Variants in ADGRB3 observed in about 807,000 individuals in gnomAD.
ADGRB3 encodes the protein brain-specific angiogenesis inhibitor 3.
ADGRB3 carries 37 observed loss-of-function variants against 193.4 expected under a neutral mutation model. That is an observed-to-expected ratio of 0.19 (90% CI 0.15 to 0.25). The LOEUF (loss-of-function observed/expected upper bound fraction) is 0.25, where lower values mean the gene tolerates loss of function less well. Among genes scored for constraint, ADGRB3 ranks in the 10% least tolerant of loss-of-function variants. The pLI is 1.00. For missense variants in ADGRB3, 1,637 were observed against 1,852.9 expected, an observed-to-expected ratio of 0.88 and a Z score of 2.14; for synonymous variants, 690 against 644.2, an observed-to-expected ratio of 1.07 and a Z score of -1.08.
rs117013238 is a variant in ADGRB3, at chr6:69,388,654, T to C, written c.4381-49T>C. On this transcript the variant is annotated intron_variant, in intron 31 of 31. Transcript: ENST00000370598. ...TCTTCCTGGAAACTTCAACTAGCGGTGATCCTGGTCATCACATAAATGACT... is the reference window on the plus strand; with the variant it reads ...TCTTCCTGGAAACTTCAACTAGCGGCGATCCTGGTCATCACATAAATGACT... The C allele has an allele frequency of 3.6e-5, 56 of 1,541,294 alleles. No individual in the cohort carries two copies. In the East Asian group the frequency reaches 1.2e-3, roughly 34 times the overall value.
chr6:68,802,593 G>C (rs1360371272), intron 3 of ADGRB3, among the ~76,000 whole-genome samples: 1 of 152,088 alleles, frequency 6.6e-6, no homozygotes, highest in Non-Finnish European at 1.5e-5. Flanking sequence ...AAGTGTATGT[G>C]TTTACTGAAA....
At chr6:68,915,368 A>G (rs1766849273) in intron 3 of ADGRB3, among the ~76,000 whole-genome samples, 1 of 152,224 alleles carries the variant, frequency 6.6e-6, no homozygotes, top group Non-Finnish European at 1.5e-5. Context: ...GGCTGATATT[A>G]ATAGACCCAG....
At position 69,180,889 on chromosome 6, in the gene ADGRB3, A is replaced by G. The variant is rs533623694; in HGVS notation, c.2481-52401A>G. Among the ~76,000 whole-genome samples the G allele has an allele frequency of 1.4e-4, 22 of 152,290 alleles. No individual in the cohort carries two copies. In the South Asian group the frequency reaches 4.6e-3, roughly 32 times the overall value. On this transcript the variant is annotated intron_variant, in intron 17 of 31. Transcript: ENST00000370598. ...TGATTTTGTATGCCCCGGGATTAAA[A>G]ATGGCGTCCTGCTCTTGCTCCTGGT...
chr6:68,986,536 C>T (rs925373910), intron 10 of ADGRB3, among the ~76,000 whole-genome samples: 3 of 152,090 alleles, frequency 2.0e-5, no homozygotes, highest in Non-Finnish European at 2.9e-5. Flanking sequence ...AAGGGTATAC[C>T]TTCTTTTTCA....
At chr6:68,727,405 G>A (rs1029667613) in intron 3 of ADGRB3, among the ~76,000 whole-genome samples, 3 of 151,478 alleles carry the variant, frequency 2.0e-5, no homozygotes, top group Admixed American at 6.6e-5. Flanking sequence ...TGTAATTAAG[G>A]TTATATGAAG....
In ADGRB3 at chr6:69,354,243, C is replaced by T; in HGVS notation, c.3470C>T (p.Ala1157Val). ...TCCCCCTCCCCACAGGTTCAGGATG[C>T]ATTTAGATGCCGATTGAGAAACTGT... The part of the protein sequence containing the change: ...HCILRREVQD[A>V]FRCRLRNCQD... Residue 1157 changes from alanine (A) to valine (V), a missense_variant, in exon 27 of 32, where the codon GCA becomes GTA. Physicochemically the swap from Ala to Val is moderately conservative, Grantham distance 64. Coordinates refer to ENST00000370598, the MANE Select transcript of ADGRB3 (RefSeq NM_001704.3). 6.2e-7 allele frequency: 1 copy of T among 1,613,478 alleles called. No individual in the cohort carries two copies. Among genetic ancestry groups the T allele is most frequent in the Non-Finnish European group, 8.5e-7 (1 of 1,179,520 alleles).
intron 3 of ADGRB3, among the ~76,000 whole-genome samples, chr6:68,850,162 G>A (rs1243495325): frequency 1.3e-5 from 2 of 151,448 alleles, no homozygotes; most frequent in African/African-American, 4.8e-5. Context: ...GTATATAACT[G>A]GATTCAGTGT....
intron 17 of ADGRB3, among the ~76,000 whole-genome samples, chr6:69,101,564 T>G (rs559493915): frequency 6.6e-6 from 1 of 152,184 alleles, no homozygotes; most frequent in African/African-American, 2.4e-5. Context: ...TAGGCTTTTA[T>G]TTGCCATTTA....
At chr6:68,664,473 C>T (rs367636539) in intron 3 of ADGRB3, among the ~76,000 whole-genome samples, 1 of 151,794 alleles carries the variant, frequency 6.6e-6, no homozygotes. Flanking sequence ...CTCTTTCTGC[C>T]ATGTGAGTCA....
At chr6:68,644,883 T>C (rs1768165671) in intron 3 of ADGRB3, among the ~76,000 whole-genome samples, 1 of 152,174 alleles carries the variant, frequency 6.6e-6, no homozygotes, top group African/African-American at 2.4e-5. Flanking sequence ...CCAACATATG[T>C]GTTTCAGAGG....
chr6:69,351,381 C>CA (rs1271850092), intron 26 of ADGRB3, among the ~76,000 whole-genome samples: 1 of 151,988 alleles, frequency 6.6e-6, no homozygotes, highest in Non-Finnish European at 1.5e-5. Context: ...CATGAGCCAC[C>CA]ACGCCCTGCC....
chr6:68,721,933 C>T, intron 3 of ADGRB3, among the ~76,000 whole-genome samples: 1 of 151,210 alleles, frequency 6.6e-6, no homozygotes, highest in Non-Finnish European at 1.5e-5. Context: ...TTTATTAATG[C>T]AACTACACAA....
chr6:68,959,568 A>T (rs962908846), intron 8 of ADGRB3, among the ~76,000 whole-genome samples: 4 of 152,148 alleles, frequency 2.6e-5, no homozygotes, highest in African/African-American at 9.6e-5. Context: ...TAATTAATGA[A>T]AATAATGATT....
intron 20 of ADGRB3, among the ~76,000 whole-genome samples, chr6:69,279,002 ACAAGAATTCTGTTT>A (rs1767360898): frequency 6.8e-6 from 1 of 147,416 alleles, no homozygotes; most frequent in Admixed American, 6.8e-5. Flanking sequence ...CATTCCTATA[ACAAGAATTCTGTTT>A]CAAGAATTCA....
At chr6:68,815,603 T>TTGTGTG (rs5877170) in intron 3 of ADGRB3, among the ~76,000 whole-genome samples, 1,525 of 137,260 alleles carry the variant, frequency 0.011, 16 homozygotes, top group East Asian at 0.038. Context: ...CCATCAAAAA[T>TTGTGTG]TGTGTGTGTG....
intron 3 of ADGRB3, among the ~76,000 whole-genome samples, chr6:68,798,855 G>T (rs920717410): frequency 2.6e-5 from 4 of 152,152 alleles, no homozygotes; most frequent in African/African-American, 9.7e-5. Flanking sequence ...GGGACATGCC[G>T]TGGATCTCCC....
chr6:69,124,466 C>T (rs6920644), intron 17 of ADGRB3, among the ~76,000 whole-genome samples: 97,027 of 152,002 alleles, frequency 0.64, 32,215 homozygotes, highest in East Asian at 0.95. Flanking sequence ...GAGCTAGTTA[C>T]TTCATCTCAG....
intron 17 of ADGRB3, among the ~76,000 whole-genome samples, chr6:69,212,627 C>A (rs1765692712): frequency 6.6e-6 from 1 of 152,148 alleles, no homozygotes; most frequent in African/African-American, 2.4e-5. Flanking sequence ...CCTGTTCCTT[C>A]CTTGATTTGG....
intron 3 of ADGRB3, among the ~76,000 whole-genome samples, chr6:68,680,880 G>GA (rs1427517507): frequency 6.6e-6 from 1 of 152,126 alleles, no homozygotes; most frequent in African/African-American, 2.4e-5. Flanking sequence ...AGCTTTTAAA[G>GA]AAAAAACTGG....
Sources: gnomAD v4.1 joint callset for allele counts (sites outside exome capture counted in the v4.1 genomes callset) on GRCh38, gnomAD v4.1.1 for gene constraint, MANE v1.5 for transcripts, NCBI Gene and HGNC (gene_info 2026-07-23, HGNC 2026-07-21) for gene names.